VGLL3: variants seen among roughly 807,000 people sequenced by gnomAD.
VGLL3 encodes the protein transcription cofactor vestigial-like protein 3.
VGLL3 carries 18 observed loss-of-function variants against 29.2 expected under a neutral mutation model. The observed-to-expected ratio is 0.62, with a 90% confidence interval of 0.43 to 0.91. The LOEUF (loss-of-function observed/expected upper bound fraction) is 0.91, where lower values mean the gene tolerates loss of function less well. VGLL3 is among the 40% of genes least tolerant of loss of function. VGLL3 has a pLI of 0.00. For synonymous variants in VGLL3, 180 were observed against 151.8 expected, an observed-to-expected ratio of 1.19 and a Z score of -1.36; for missense variants, 440 against 413.2, an observed-to-expected ratio of 1.06 and a Z score of -0.56.
intron 2 of VGLL3, among the ~76,000 whole-genome samples, chr3:86,972,478 G>A (rs984232101): frequency 2.0e-5 from 3 of 152,070 alleles, no homozygotes; most frequent in African/African-American, 7.2e-5. Flanking sequence ...TCGGTGTCTT[G>A]CTTGTTTAAG....
At chr3:86,986,016 AAT>A (rs141919855) in intron 1 of VGLL3, among the ~76,000 whole-genome samples, 20 of 142,798 alleles carry the variant, frequency 1.4e-4, no homozygotes, top group East Asian at 4.1e-4. Context: ...AGATATGACA[AAT>A]ATATATATAT....
intron 1 of VGLL3, among the ~76,000 whole-genome samples, chr3:86,983,334 A>G (rs911661009): frequency 1.1e-4 from 16 of 152,216 alleles, no homozygotes; most frequent in African/African-American, 3.4e-4. Flanking sequence ...TTTCAAAATC[A>G]TAGAGGACAT....
At chr3:86,967,011 G>A (rs1180543403) in intron 3 of VGLL3, among the ~76,000 whole-genome samples, 1 of 151,590 alleles carries the variant, frequency 6.6e-6, no homozygotes, top group Non-Finnish European at 1.5e-5. Context: ...ATTTCAAGCT[G>A]AAATTCTGTA....
At position 86,978,795 on chromosome 3, in the gene VGLL3, A is replaced by G. The variant is rs2107050214; in HGVS notation, c.134T>C (p.Leu45Ser). ...PAPQPGQQKK[L>S]AVFSKMQDSL... is the part of the protein sequence containing the mutation. ...GTCCTGCATCTTGCTGAATACCGCT[A>G]ACTTCTTCTGGGATGGAATAAACAA... Residue 45 changes from leucine to serine, a missense_variant, in exon 2 of 4, where the codon TTA becomes TCA. Coordinates refer to ENST00000398399, the MANE Select transcript of VGLL3 (RefSeq NM_016206.4). 1 of 1,603,904 alleles carries G rather than the reference A, an allele frequency of 6.2e-7. No homozygotes were observed. Among genetic ancestry groups the G allele is most frequent in the African/African-American group, 1.3e-5 (1 of 74,846 alleles).
intron 3 of VGLL3, among the ~76,000 whole-genome samples, chr3:86,959,868 T>C (rs983094575): frequency 6.6e-6 from 1 of 152,166 alleles, no homozygotes; most frequent in Non-Finnish European, 1.5e-5. Flanking sequence ...CCAGACCACC[T>C]AAAAGAAATC....
At chr3:86,949,265 T>C (rs1221679579) in intron 3 of VGLL3, among the ~76,000 whole-genome samples, 5 of 152,176 alleles carry the variant, frequency 3.3e-5, no homozygotes, top group Admixed American at 3.3e-4. Context: ...GAAGTCATTC[T>C]CTCGTTATAA....
At chr3:86,979,421 G>A (rs182643459) in intron 1 of VGLL3, among the ~76,000 whole-genome samples, 135 of 152,164 alleles carry the variant, frequency 8.9e-4, no homozygotes, top group African/African-American at 2.8e-3. Context: ...TAGATGTTCC[G>A]TTTACCACCA....
intron 3 of VGLL3, among the ~76,000 whole-genome samples, chr3:86,947,463 T>G (rs1368116545): frequency 1.3e-5 from 2 of 152,200 alleles, no homozygotes; most frequent in African/African-American, 4.8e-5. Context: ...ATTAATACTT[T>G]CAGTAACAAT....
At chr3:86,980,920 A>C (rs1356961148) in intron 1 of VGLL3, among the ~76,000 whole-genome samples, 2 of 151,644 alleles carry the variant, frequency 1.3e-5, no homozygotes, top group African/African-American at 4.8e-5. Context: ...CCGTGAAACT[A>C]ATTTCTTTTT....
chr3:86,956,032 A>C (rs1015030145), intron 3 of VGLL3, among the ~76,000 whole-genome samples: 7 of 152,016 alleles, frequency 4.6e-5, no homozygotes, highest in African/African-American at 1.7e-4. Flanking sequence ...AGAGAACAAG[A>C]AAAGAATAGT....
chr3:86,986,091 T>C (rs74874975), intron 1 of VGLL3, among the ~76,000 whole-genome samples: 3 of 152,094 alleles, frequency 2.0e-5, no homozygotes, highest in Non-Finnish European at 4.4e-5. Context: ...CCCAGCTTCT[T>C]CTTCAGTAAC....
Position 86,978,449 on chromosome 3 carries a change from T to A in VGLL3, c.403+77A>T, listed in dbSNP as rs943909075. 4 of 1,502,830 alleles carry A rather than the reference T, an allele frequency of 2.7e-6. No homozygotes were observed. In the African/African-American group the frequency reaches 5.6e-5, roughly 21 times the overall value. 93.1% of individuals were successfully genotyped at this position (1,502,830 alleles called of 1,614,324 possible). On this transcript the variant is annotated intron_variant, in intron 2 of 3. Transcript: ENST00000398399. ...GTGGATATCCATCCTCAGGGGCAAG[T>A]CTCCAGCTGGAACCTGGTACAGGCA...
chr3:86,941,246 T>C lies in VGLL3; in HGVS notation c.*5778A>G, dbSNP rs1026873783. 1.3e-5 allele frequency: 2 copies of C among 152,386 alleles called. No individual in the cohort carries two copies. Among genetic ancestry groups the C allele is most frequent in the African/African-American group, 2.4e-5 (1 of 41,424 alleles). The allele number at this position is 152,386 out of a possible 1,614,324, so 9.4% of individuals were successfully genotyped here. The stretch of plus-strand genomic sequence containing the variant: ...GATATAATATCCAATATTATACATA[T>C]CCTAAGAAATTAAATCAATTGTGTA... On this transcript the variant is annotated 3_prime_UTR_variant, in exon 4 of 4. Coordinates refer to ENST00000398399, the MANE Select transcript of VGLL3 (RefSeq NM_016206.4).
At chr3:86,952,322 A>C (rs1016871089) in intron 3 of VGLL3, among the ~76,000 whole-genome samples, 3 of 152,168 alleles carry the variant, frequency 2.0e-5, no homozygotes, top group Non-Finnish European at 4.4e-5. Flanking sequence ...TATACAGCTG[A>C]GTTTTAGGTA....
At chr3:86,956,084 C>T (rs750135477) in intron 3 of VGLL3, among the ~76,000 whole-genome samples, 1 of 152,172 alleles carries the variant, frequency 6.6e-6, no homozygotes, top group Non-Finnish European at 1.5e-5. Context: ...GTAAATTCCT[C>T]AGGCCATATA....
At chr3:86,952,495 A>T (rs1293079842) in intron 3 of VGLL3, among the ~76,000 whole-genome samples, 4 of 152,214 alleles carry the variant, frequency 2.6e-5, no homozygotes, top group African/African-American at 9.6e-5. Context: ...TACAATGGGA[A>T]ACATGCTGTT....
chr3:86,956,792 C>CAAAAAAAAAAAA (rs55781336), intron 3 of VGLL3, among the ~76,000 whole-genome samples: 2 of 90,860 alleles, frequency 2.2e-5, no homozygotes, highest in Non-Finnish European at 4.2e-5. Context: ...CCCACCGTCC[C>CAAAAAAAAAAAA]AAAAAAAAAA....
chr3:86,968,934 G>A lies in VGLL3; in HGVS notation c.593C>T (p.Ala198Val), dbSNP rs532947840. 1 of 1,614,160 alleles carries A rather than the reference G, an allele frequency of 6.2e-7. No individual in the cohort carries two copies. Among genetic ancestry groups the A allele is most frequent in the African/African-American group, 1.3e-5 (1 of 75,034 alleles). The change falls in exon 3 of 4, where the codon GCC (alanine) becomes GTC (valine). Residue 198 changes from alanine (A) to valine (V), a missense_variant. By Grantham distance (64) the Ala-to-Val change is moderately conservative (BLOSUM62 0). Coordinates refer to ENST00000398399, the MANE Select transcript of VGLL3 (RefSeq NM_016206.4). ...GGACTCAGACACAGCAGGGGGAGGG[G>A]CTGGGCCAGTCTGATGCAGGTTGTG... ...PGHNLHQTGPAPPPAVSESWP... is the reference protein window; with the variant it reads ...PGHNLHQTGPVPPPAVSESWP...
intron 3 of VGLL3, among the ~76,000 whole-genome samples, chr3:86,959,278 T>C (rs754177244): frequency 8.5e-5 from 13 of 152,152 alleles, no homozygotes; most frequent in Non-Finnish European, 1.8e-4. Flanking sequence ...TAAGTAAACT[T>C]TTATGCCTAT....
Sources: gnomAD v4.1 joint callset for allele counts (sites outside exome capture counted in the v4.1 genomes callset) on GRCh38, gnomAD v4.1.1 for gene constraint, MANE v1.5 for transcripts, NCBI Gene and HGNC (gene_info 2026-07-23, HGNC 2026-07-21) for gene names.